The following WAPL variants were observed in gnomAD, a reference collection of about 807,000 sequenced individuals.
WAPL encodes the protein WAPL cohesin release factor.
WAPL carries 5 observed loss-of-function variants against 121.0 expected under a neutral mutation model. That is an observed-to-expected ratio of 0.04 (90% CI 0.02 to 0.09). The LOEUF (loss-of-function observed/expected upper bound fraction) is 0.09, where lower values mean the gene tolerates loss of function less well. Ranked by LOEUF, WAPL falls within the 10% of genes least tolerant of loss-of-function variation. The probability of loss-of-function intolerance (pLI) is 1.00; values close to 1 mark genes in which losing one functional copy is unlikely to be tolerated. For synonymous variants in WAPL, 480 were observed against 481.5 expected (o/e 1.00, Z 0.04); for missense variants, 999 against 1,410.8 (o/e 0.71, Z 4.68).
chr10:86,460,766 T>C (rs1178748049), intron 10 of WAPL, among the ~76,000 whole-genome samples: 2 of 151,726 alleles, frequency 1.3e-5, no homozygotes, highest in Non-Finnish European at 2.9e-5. Context: ...CAGGCTGGAG[T>C]GCAATGGCAC....
At chr10:86,468,567 C>T (rs1841456816) in intron 8 of WAPL, among the ~76,000 whole-genome samples, 1 of 151,966 alleles carries the variant, frequency 6.6e-6, no homozygotes, top group South Asian at 2.1e-4. Context: ...AATTTTAAAT[C>T]TATATCATAC....
intron 17 of WAPL, among the ~76,000 whole-genome samples, chr10:86,440,207 A>C (rs755780023): frequency 2.0e-5 from 3 of 152,244 alleles, no homozygotes; most frequent in Non-Finnish European, 4.4e-5. Context: ...TATGTAAGAA[A>C]GAACGTGACT....
intron 16 of WAPL, among the ~76,000 whole-genome samples, chr10:86,444,693 G>A (rs904050602): frequency 6.6e-6 from 1 of 152,038 alleles, no homozygotes; most frequent in African/African-American, 2.4e-5. Context: ...GGTGATGGCT[G>A]CTAATGGGTA....
intron 17 of WAPL, among the ~76,000 whole-genome samples, chr10:86,442,798 G>C (rs1849501776): frequency 6.6e-6 from 1 of 152,154 alleles, no homozygotes; most frequent in Admixed American, 6.5e-5. Context: ...CCAGAACTTT[G>C]GGAGTCCAAG....
At chr10:86,458,794 G>C (rs1039473707) in intron 12 of WAPL, among the ~76,000 whole-genome samples, 195 bp downstream of exon 12, 1 of 152,138 alleles carries the variant, frequency 6.6e-6, no homozygotes, top group African/African-American at 2.4e-5. Context: ...AAATTATCAA[G>C]CTGGAATCCA....
At chr10:86,510,491 C>G (rs11817847) in intron 2 of WAPL, among the ~76,000 whole-genome samples, 15,025 of 152,206 alleles carry the variant, frequency 0.099, 862 homozygotes, top group African/African-American at 0.16. Context: ...CAGCAGAAGT[C>G]AGTAACTCTA....
At chr10:86,479,545 C>T (rs1243236137) in intron 4 of WAPL, among the ~76,000 whole-genome samples, 2 of 151,990 alleles carry the variant, frequency 1.3e-5, no homozygotes, top group South Asian at 2.1e-4. Context: ...TGAGCCACAG[C>T]GCACAGCCAA....
At chr10:86,452,810 C>T (rs1391760803) in intron 14 of WAPL, among the ~76,000 whole-genome samples, 6 of 151,358 alleles carry the variant, frequency 4.0e-5, no homozygotes, top group Middle Eastern at 3.4e-3. Context: ...GAGGCTGAGG[C>T]GGGCAGATCA....
At chr10:86,498,802 CTGAACTCCT>C in intron 3 of WAPL, among the ~76,000 whole-genome samples, 1 of 152,296 alleles carries the variant, frequency 6.6e-6, no homozygotes, top group African/African-American at 2.4e-5. Context: ...ACAGTGGAGA[CTGAACTCCT>C]TGAGGACCCT....
intron 8 of WAPL, among the ~76,000 whole-genome samples, chr10:86,469,543 C>G (rs1167766078): frequency 6.6e-6 from 1 of 151,808 alleles, no homozygotes; most frequent in South Asian, 2.1e-4. Context: ...CATGAGCCAC[C>G]GCACCTGGCC....
intron 15 of WAPL, among the ~76,000 whole-genome samples, chr10:86,451,274 C>T (rs1840970673): frequency 6.6e-6 from 1 of 151,770 alleles, no homozygotes; most frequent in Non-Finnish European, 1.5e-5. Flanking sequence ...TTTGTCTCTG[C>T]TTTTTGGTAA....
At chr10:86,454,050 T>A (rs1406667100) in intron 12 of WAPL, among the ~76,000 whole-genome samples, 2 of 152,196 alleles carry the variant, frequency 1.3e-5, no homozygotes, top group Non-Finnish European at 2.9e-5. Context: ...TCTCTTTATT[T>A]CCAAATTGTC....
chr10:86,504,065 T>C (rs932953233), intron 2 of WAPL, among the ~76,000 whole-genome samples: 2 of 151,934 alleles, frequency 1.3e-5, no homozygotes, highest in Admixed American at 6.6e-5. Flanking sequence ...TCCTCGCTAC[T>C]TGGGAGGCTG....
At chr10:86,511,860 G>C (rs1257096097) in intron 2 of WAPL, among the ~76,000 whole-genome samples, 1 of 151,992 alleles carries the variant, frequency 6.6e-6, no homozygotes, top group Admixed American at 6.6e-5. Context: ...CAGCCCAGGA[G>C]GTAGAACCTG....
chr10:86,500,525 C>A lies in WAPL; in HGVS notation c.718G>T (p.Asp240Tyr), dbSNP rs1205869413. 1 of 1,614,058 alleles carries A rather than the reference C, an allele frequency of 6.2e-7. No homozygotes were observed. Among genetic ancestry groups the A allele is most frequent in the Admixed American group, 1.7e-5 (1 of 60,006 alleles). Residue 240 changes from aspartate to tyrosine, a missense_variant, in exon 3 of 19, where the codon GAT becomes TAT. Transcript: ENST00000298767. ...GSVRTGLFEW[D>Y]NDFEDIRSED... The stretch of plus-strand genomic sequence containing the variant: ...GATCTGATATCTTCAAAATCATTAT[C>A]CCATTCAAACAAACCAGTTCTAACA...
intron 4 of WAPL, among the ~76,000 whole-genome samples, chr10:86,484,655 ACTTGCAAT>A (rs2132206471): frequency 6.6e-6 from 1 of 152,280 alleles, no homozygotes; most frequent in East Asian, 1.9e-4. Context: ...TCCCAAAGAA[ACTTGCAAT>A]CCTGCAAGCT....
At chr10:86,502,284 AT>A (rs1842261572) in intron 2 of WAPL, among the ~76,000 whole-genome samples, 1 of 152,230 alleles carries the variant, frequency 6.6e-6, no homozygotes, top group Non-Finnish European at 1.5e-5. Flanking sequence ...GCAGCTCTAC[AT>A]TATGTACAGA....
chr10:86,448,937 A>G (rs1657300217), intron 15 of WAPL, among the ~76,000 whole-genome samples: 1 of 152,210 alleles, frequency 6.6e-6, no homozygotes, highest in Non-Finnish European at 1.5e-5. Context: ...ATTTATTTTG[A>G]TATATGCATA....
intron 11 of WAPL, 136 bp from the exon 12 acceptor site, chr10:86,459,201 A>C: frequency 1.6e-6 from 1 of 634,120 alleles, no homozygotes; most frequent in Non-Finnish European, 2.6e-6. Context: ...GAATAATTTC[A>C]CAACCTACAG....
Sources: allele counts gnomAD v4.1 joint callset (sites outside exome capture counted in the v4.1 genomes callset), GRCh38; gene constraint gnomAD v4.1.1; transcripts MANE v1.5; gene names NCBI Gene and HGNC (gene_info 2026-07-23, HGNC 2026-07-21).